RASGRF2: variants seen among roughly 807,000 people sequenced by gnomAD.
RASGRF2 encodes ras-specific guanine nucleotide-releasing factor 2.
RASGRF2 carries 76 observed loss-of-function variants against 151.0 expected under a neutral mutation model. The observed-to-expected ratio is 0.50, with a 90% confidence interval of 0.42 to 0.61. RASGRF2 has a LOEUF of 0.61. RASGRF2 is among the 20% of genes least tolerant of loss of function. RASGRF2 has a pLI of 0.00. For synonymous variants in RASGRF2, 504 were observed against 566.5 expected (o/e 0.89, Z 1.57); for missense variants, 1,148 against 1,564.6 (o/e 0.73, Z 4.49).
chr5:81,103,155 A>T (rs1286741600), intron 12 of RASGRF2, among the ~76,000 whole-genome samples: 1 of 152,188 alleles, frequency 6.6e-6, no homozygotes, highest in African/African-American at 2.4e-5. Context: ...TAGAAACTAC[A>T]GGACCACAAC....
chr5:81,217,112 G>GT (rs1755755880), intron 24 of RASGRF2: 7 of 489,956 alleles, frequency 1.4e-5, no homozygotes, highest in Non-Finnish European at 2.5e-5. Context: ...AAGATATCCT[G>GT]TTGTTTGAAT....
intron 17 of RASGRF2, among the ~76,000 whole-genome samples, chr5:81,127,923 C>CAAAAAAAAAAAAAAAAAAAAA (rs60196392): frequency 1.5e-5 from 1 of 64,882 alleles, no homozygotes; most frequent in East Asian, 5.5e-4. Flanking sequence ...GACTCCGTCT[C>CAAAAAAAAAAAAAAAAAAAAA]AAAAAAAAAA....
At chr5:81,137,041 A>G (rs553612333) in intron 17 of RASGRF2, among the ~76,000 whole-genome samples, 4 of 152,202 alleles carry the variant, frequency 2.6e-5, no homozygotes, top group African/African-American at 7.2e-5. Flanking sequence ...AACCCTTAAC[A>G]TATTATAGAT....
intron 1 of RASGRF2, among the ~76,000 whole-genome samples, chr5:80,987,920 C>T (rs1376229390): frequency 1.3e-5 from 2 of 152,092 alleles, no homozygotes; most frequent in East Asian, 1.9e-4. Context: ...ACCTCCACAA[C>T]ACTTCCTGTT....
intron 1 of RASGRF2, among the ~76,000 whole-genome samples, chr5:81,007,424 G>C (rs796256099): frequency 5.9e-5 from 9 of 152,176 alleles, no homozygotes; most frequent in African/African-American, 2.2e-4. Flanking sequence ...CTGAGGAAGG[G>C]GTTCATTCTT....
intron 18 of RASGRF2, among the ~76,000 whole-genome samples, chr5:81,187,432 C>T (rs1241453320): frequency 6.6e-6 from 1 of 152,218 alleles, no homozygotes; most frequent in African/African-American, 2.4e-5. Context: ...TTCCAGTCTC[C>T]CACAGTGCCT....
intron 17 of RASGRF2, among the ~76,000 whole-genome samples, chr5:81,157,475 C>T (rs1016771102): frequency 6.6e-6 from 1 of 152,016 alleles, no homozygotes; most frequent in Non-Finnish European, 1.5e-5. Flanking sequence ...AGTTCGTTGA[C>T]TGGAAGACTT....
intron 1 of RASGRF2, among the ~76,000 whole-genome samples, chr5:81,021,501 C>T (rs768553910): frequency 2.6e-5 from 4 of 152,028 alleles, no homozygotes; most frequent in Non-Finnish European, 5.9e-5. Flanking sequence ...TCCTCCTGTG[C>T]CTCACTAAAA....
rs775775030 is a variant in RASGRF2, at chr5:81,113,722, T to C, written c.2272T>C (p.Leu758=). The C allele has an allele frequency of 6.2e-6, 10 of 1,613,800 alleles. No individual in the cohort carries two copies. The highest frequency in any genetic ancestry group is 5.3e-5 in the African/African-American group (4 of 74,876). ...TCCCTTGAACTCAAAGATAGGAGCA[T>C]TGGACCTGACAACTTCCAGCAGTCC... ...TSPLNSKIGA[L]DLTTSSSPTT... is the part of the protein sequence containing the mutation. Residue 758 remains leucine, a synonymous_variant, in exon 15 of 27, where the codon TTG becomes CTG. Coordinates refer to ENST00000265080, the MANE Select transcript of RASGRF2 (RefSeq NM_006909.3).
At chr5:81,216,032 A>T in intron 24 of RASGRF2, 77 bp downstream of exon 24, 1 of 1,255,444 alleles carries the variant, frequency 8.0e-7, no homozygotes, top group Non-Finnish European at 1.0e-6. Flanking sequence ...ACAAACAGTG[A>T]CCTACCACCT....
chr5:81,136,514 C>T (rs1753757657), intron 17 of RASGRF2, among the ~76,000 whole-genome samples: 1 of 152,050 alleles, frequency 6.6e-6, no homozygotes. Flanking sequence ...CATTCTTGTC[C>T]TTGTTCCTCT....
chr5:81,074,745 G>A (rs991003199), intron 5 of RASGRF2, among the ~76,000 whole-genome samples: 1 of 152,086 alleles, frequency 6.6e-6, no homozygotes, highest in African/African-American at 2.4e-5. Context: ...TTTTATAGCA[G>A]GTTTTCAGAA....
At chr5:81,013,729 T>C (rs1749544166) in intron 1 of RASGRF2, among the ~76,000 whole-genome samples, 3 of 152,204 alleles carry the variant, frequency 2.0e-5, no homozygotes, top group South Asian at 4.1e-4. Context: ...TAGTGAAAGC[T>C]ACTATTACTG....
chr5:81,088,225 G>A (rs1050218880), intron 9 of RASGRF2: 1 of 152,348 alleles, frequency 6.6e-6, no homozygotes, highest in Middle Eastern at 3.1e-3. Context: ...CCAGCCTGGG[G>A]GCTGGGAATG....
At position 81,123,790 on chromosome 5, in the gene RASGRF2, G is replaced by A. The variant is rs377394547; in HGVS notation, c.2596+23G>A. Reference sequence around the variant, plus strand: ...GAGGTAAGAGCTCAAGAGGGACTCAGAAATAGAAACGTGAAAAATGATTTC... The same window carrying A: ...GAGGTAAGAGCTCAAGAGGGACTCAAAAATAGAAACGTGAAAAATGATTTC... On this transcript the variant is annotated intron_variant, in intron 16 of 26. Coordinates refer to ENST00000265080, the MANE Select transcript of RASGRF2 (RefSeq NM_006909.3). 4.6e-5 allele frequency: 73 copies of A among 1,597,108 alleles called. No homozygotes were observed. In the African/African-American group the frequency reaches 9.3e-4, roughly 20 times the overall value.
At chr5:80,994,713 C>T (rs1748776808) in intron 1 of RASGRF2, among the ~76,000 whole-genome samples, 1 of 152,198 alleles carries the variant, frequency 6.6e-6, no homozygotes, top group East Asian at 1.9e-4. Flanking sequence ...CTTGAAACAA[C>T]ATTGCCTATG....
At position 80,985,966 on chromosome 5, in the gene RASGRF2, T is replaced by C. The variant is rs571143559; in HGVS notation, c.288+24940T>C. 6.6e-5 allele frequency among the ~76,000 whole-genome samples: 10 copies of C among 152,156 alleles called. 1 individual carries two copies. In the South Asian group the frequency reaches 1.9e-3, roughly 28 times the overall value. On this transcript the variant is annotated intron_variant, in intron 1 of 26. Transcript: ENST00000265080. The stretch of plus-strand genomic sequence containing the variant: ...GTGTATGTGTGTGTAAGCGTTTTAT[T>C]TGTTTCCATGGTGAAATTCAATACA...
At chr5:81,054,760 A>C (rs1418977926) in intron 2 of RASGRF2, among the ~76,000 whole-genome samples, 4 of 137,772 alleles carry the variant, frequency 2.9e-5, no homozygotes, top group Admixed American at 2.3e-4. Context: ...ATCCATGAGC[A>C]TGGAATGTTC....
chr5:81,007,750 A>G (rs1050774276), intron 1 of RASGRF2, among the ~76,000 whole-genome samples: 5 of 152,140 alleles, frequency 3.3e-5, no homozygotes, highest in African/African-American at 9.7e-5. Flanking sequence ...CGCAGGTGCA[A>G]CTGAGACAGA....
Sources: gnomAD v4.1 joint callset for allele counts (sites outside exome capture counted in the v4.1 genomes callset) on GRCh38, gnomAD v4.1.1 for gene constraint, MANE v1.5 for transcripts, NCBI Gene and HGNC (gene_info 2026-07-23, HGNC 2026-07-21) for gene names.